TTLL7: variants seen among roughly 807,000 people sequenced by gnomAD.
TTLL7 encodes the protein tubulin tyrosine ligase like 7.
A neutral mutation model predicts 120.2 loss-of-function variants in TTLL7; 53 were observed. That is an observed-to-expected ratio of 0.44 (90% CI 0.35 to 0.55). TTLL7 has a LOEUF of 0.55. Among genes scored for constraint, TTLL7 ranks in the 20% least tolerant of loss-of-function variants. The pLI, the probability that TTLL7 is intolerant of heterozygous loss-of-function variation, is 0.00. For missense variants in TTLL7, 803 were observed against 1,054.7 expected (o/e 0.76, Z 3.31); for synonymous variants, 353 against 351.7 (o/e 1.00, Z -0.04).
chr1:83,953,825 A>T (rs558828446), intron 1 of TTLL7, among the ~76,000 whole-genome samples: 2 of 152,292 alleles, frequency 1.3e-5, no homozygotes, highest in South Asian at 4.1e-4. Context: ...AACATAATAT[A>T]TAGACATATG....
intron 14 of TTLL7, among the ~76,000 whole-genome samples, chr1:83,911,920 T>C (rs946042037): frequency 6.6e-6 from 1 of 152,012 alleles, no homozygotes; most frequent in African/African-American, 2.4e-5. Context: ...ACTAAAACAT[T>C]GCCTGTGAGC....
intron 1 of TTLL7, chr1:83,980,493 A>C (rs1465777330): frequency 6.6e-6 from 1 of 152,162 alleles, no homozygotes; most frequent in African/African-American, 2.4e-5. Flanking sequence ...TTTCTCTTTC[A>C]AGTGCTGAAA....
intron 18 of TTLL7, among the ~76,000 whole-genome samples, chr1:83,892,540 G>GAATGAACATATATATGAACATATA (rs1553129066): frequency 1.5e-5 from 1 of 66,622 alleles, no homozygotes; most frequent in Non-Finnish European, 3.3e-5. Context: ...ATGAACATAT[G>GAATGAACATATATATGAACATATA]AATGAACATA....
chr1:83,960,059 G>T lies in TTLL7; in HGVS notation c.-176-7672C>A, dbSNP rs182531263. 2.6e-5 allele frequency among the ~76,000 whole-genome samples: 4 copies of T among 152,244 alleles called. No homozygotes were observed. The East Asian group carries it at 7.7e-4, about 29-fold the overall frequency. On this transcript the variant is annotated intron_variant, in intron 1 of 20. Transcript: ENST00000260505. ...GCACCTGTGTTCTTATGCAAAGAAT[G>T]TAATTCTTAATATAAAGAATAAATA... is the stretch of plus-strand genomic sequence containing the variant.
rs567403551 is a variant in TTLL7, at chr1:83,865,749, T to C, written c.*4213A>G. On this transcript the variant is annotated 3_prime_UTR_variant, in exon 21 of 21. Transcript: ENST00000260505. ...TGATGCAACAACATATTTTATGTTT[T>C]ATTATTGCTGAGGCAAAATCACACC... 2.6e-4 allele frequency: 39 copies of C among 152,146 alleles called. No homozygotes were observed. Among genetic ancestry groups the C allele is most frequent in the African/African-American group, 9.4e-4 (39 of 41,582 alleles). 9.4% of individuals were successfully genotyped at this position (152,146 alleles called of 1,614,324 possible).
chr1:83,977,964 G>C (rs1651642072), intron 1 of TTLL7, among the ~76,000 whole-genome samples: 2 of 151,854 alleles, frequency 1.3e-5, no homozygotes, highest in African/African-American at 4.8e-5. Flanking sequence ...TTATCTCCGG[G>C]TAGCCTATAA....
rs1360390236 is a variant in TTLL7, at chr1:83,868,969, ATTT to A, written c.*990_*992del. 6.1e-5 allele frequency: 9 copies of A among 147,382 alleles called. No individual in the cohort carries two copies. Among genetic ancestry groups the A allele is most frequent in the South Asian group, 2.1e-4 (1 of 4,732 alleles). The allele number at this position is 147,382 out of a possible 1,614,324, so 9.1% of individuals were successfully genotyped here. On this transcript the variant is annotated 3_prime_UTR_variant, in exon 21 of 21. Transcript: ENST00000260505. ...TTCTTTTTATTTATTTATTTATTTT[ATTT>A]TATTATTATTTTTTTTTTTTGAGAC...
chr1:83,975,422 G>A (rs1276731148), intron 1 of TTLL7, among the ~76,000 whole-genome samples: 2 of 152,230 alleles, frequency 1.3e-5, no homozygotes, highest in African/African-American at 2.4e-5. Context: ...TTTTACAGAT[G>A]AGAAAACTGA....
chr1:83,974,254 A>G (rs1651258557), intron 1 of TTLL7, among the ~76,000 whole-genome samples: 1 of 152,046 alleles, frequency 6.6e-6, no homozygotes, highest in Non-Finnish European at 1.5e-5. Context: ...ATATCTATGA[A>G]AAAATGAATG....
At chr1:83,967,822 G>T (rs181096514) in intron 1 of TTLL7, among the ~76,000 whole-genome samples, 7 of 151,632 alleles carry the variant, frequency 4.6e-5, no homozygotes, top group Admixed American at 3.3e-4. Context: ...TTTCCAAAAC[G>T]CTGGAATGAG....
At chr1:83,892,239 AATAT>A (rs901402276) in intron 18 of TTLL7, among the ~76,000 whole-genome samples, 112 of 139,086 alleles carry the variant, frequency 8.1e-4, no homozygotes, top group Non-Finnish European at 1.5e-3. Flanking sequence ...TATATATATG[AATAT>A]ATATGTATAT....
At chr1:83,969,599 CAA>C (rs1292279566) in intron 1 of TTLL7, among the ~76,000 whole-genome samples, 1 of 151,878 alleles carries the variant, frequency 6.6e-6, no homozygotes, top group Non-Finnish European at 1.5e-5. Flanking sequence ...CTAAATTATA[CAA>C]AGTGTTTATG....
At chr1:83,947,060 A>G (rs1426145413) in intron 6 of TTLL7, 64 bp downstream of exon 6, 1 of 1,384,742 alleles carries the variant, frequency 7.2e-7, no homozygotes, top group Admixed American at 2.5e-5. Flanking sequence ...AATTATGCAC[A>G]TTTATTCTCC....
At chr1:83,929,100 G>T (rs1334589868) in intron 10 of TTLL7, 36 bp downstream of exon 10, 1 of 1,361,552 alleles carries the variant, frequency 7.3e-7, no homozygotes, top group East Asian at 2.4e-5. Flanking sequence ...GTCAAATGTG[G>T]AGATAAATGT....
intron 1 of TTLL7, among the ~76,000 whole-genome samples, chr1:83,965,361 A>G (rs977802780): frequency 6.6e-6 from 1 of 151,942 alleles, no homozygotes; most frequent in Admixed American, 6.6e-5. Flanking sequence ...AAGTGTTTAG[A>G]AGTTCCTCCT....
chr1:83,892,729 C>CATATGTGA (rs1557568169), intron 18 of TTLL7, among the ~76,000 whole-genome samples: 18 of 32,948 alleles, frequency 5.5e-4, no homozygotes, highest in Non-Finnish European at 9.9e-4. Flanking sequence ...TATATGTGAA[C>CATATGTGA]ACATATATAT....
At chr1:83,933,835 G>T in intron 8 of TTLL7, 69 bp from the exon 9 acceptor site, 1 of 1,497,334 alleles carries the variant, frequency 6.7e-7, no homozygotes, top group Non-Finnish European at 9.0e-7. Context: ...ATATAACCGG[G>T]GCCCACAAAC....
At chr1:83,952,951 G>A (rs1209812616) in intron 1 of TTLL7, among the ~76,000 whole-genome samples, 1 of 152,160 alleles carries the variant, frequency 6.6e-6, no homozygotes, top group Non-Finnish European at 1.5e-5. Flanking sequence ...AAAGTGCCAG[G>A]CAGGGTAGAG....
Position 83,867,940 on chromosome 1 carries a change from T to C in TTLL7, c.*2022A>G, listed in dbSNP as rs1653028547. The C allele has an allele frequency of 6.6e-6, 1 of 152,136 alleles. No homozygotes were observed. The highest frequency in any genetic ancestry group is 2.4e-5 in the African/African-American group (1 of 41,434). The allele number at this position is 152,136 out of a possible 1,614,324, so 9.4% of individuals were successfully genotyped here. The stretch of plus-strand genomic sequence containing the variant: ...GTCACTGTAATTTCCTTCATTCTGA[T>C]ACCCTTATTCTCTTCTTCCACAAAT... On this transcript the variant is annotated 3_prime_UTR_variant, in exon 21 of 21. Transcript: ENST00000260505.
Sources: gnomAD v4.1 joint callset for allele counts (sites outside exome capture counted in the v4.1 genomes callset) on GRCh38, gnomAD v4.1.1 for gene constraint, MANE v1.5 for transcripts, NCBI Gene and HGNC (gene_info 2026-07-23, HGNC 2026-07-21) for gene names.